Variants in HHAT observed in about 807,000 individuals in gnomAD.
HHAT encodes the protein protein-cysteine N-palmitoyltransferase HHAT.
A neutral mutation model predicts 70.8 loss-of-function variants in HHAT; 47 were observed. The observed-to-expected ratio is 0.66, with a 90% CI of 0.53 to 0.85. HHAT has a LOEUF of 0.85. Ranked by LOEUF, HHAT falls within the 40% of genes least tolerant of loss-of-function variation. HHAT has a pLI of 0.00. For missense variants in HHAT, 609 were observed against 604.8 expected (o/e 1.01, Z -0.07); for synonymous variants, 228 against 247.6 (o/e 0.92, Z 0.74).
At chr1:210,549,541 A>G (rs1386333278) in intron 9 of HHAT, among the ~76,000 whole-genome samples, 1 of 148,906 alleles carries the variant, frequency 6.7e-6, no homozygotes, top group Admixed American at 6.9e-5. Context: ...ATTTGATGGG[A>G]AGACATCCAT....
intron 10 of HHAT, among the ~76,000 whole-genome samples, chr1:210,621,886 G>A (rs1007685431): frequency 2.0e-5 from 3 of 152,308 alleles, no homozygotes; most frequent in Admixed American, 6.5e-5. Context: ...CTTGCGTCTG[G>A]CAGCAGTAAA....
chr1:210,601,967 G>C (rs1401252323), intron 10 of HHAT, among the ~76,000 whole-genome samples: 2 of 53,614 alleles, frequency 3.7e-5, no homozygotes, highest in African/African-American at 8.6e-5. Context: ...GTATGTGTGT[G>C]AGAGTGTGTG....
At chr1:210,637,112 C>A (rs1672006797) in intron 11 of HHAT, among the ~76,000 whole-genome samples, 1 of 152,162 alleles carries the variant, frequency 6.6e-6, no homozygotes, top group Non-Finnish European at 1.5e-5. Context: ...CATGTGATGA[C>A]CCCCTACTAA....
At chr1:210,669,687 A>T (rs1679690485) in intron 11 of HHAT, among the ~76,000 whole-genome samples, 1 of 152,242 alleles carries the variant, frequency 6.6e-6, no homozygotes, top group Non-Finnish European at 1.5e-5. Context: ...TTAGATCCAG[A>T]TATCAAAAGC....
intron 9 of HHAT, among the ~76,000 whole-genome samples, chr1:210,561,635 T>G (rs1469147892): frequency 6.6e-6 from 1 of 152,260 alleles, no homozygotes; most frequent in Admixed American, 6.5e-5. Flanking sequence ...TTTCTCTTTT[T>G]TCTGCATTTA....
At chr1:210,475,626 T>C (rs2094293748) in intron 8 of HHAT, among the ~76,000 whole-genome samples, 1 of 152,224 alleles carries the variant, frequency 6.6e-6, no homozygotes, top group Non-Finnish European at 1.5e-5. Context: ...TTTCTTCCCA[T>C]GGTTCACTGT....
chr1:210,671,681 G>A (rs2148985438), intron 11 of HHAT, among the ~76,000 whole-genome samples: 1 of 152,354 alleles, frequency 6.6e-6, no homozygotes, highest in South Asian at 2.1e-4. Flanking sequence ...GAAGCTGGAA[G>A]AGGTAAGGAA....
intron 2 of HHAT, among the ~76,000 whole-genome samples, chr1:210,356,523 C>A (rs2087642894): frequency 6.6e-6 from 1 of 152,102 alleles, no homozygotes; most frequent in South Asian, 2.1e-4. Context: ...TCACTACTCC[C>A]TGTTTCTTTG....
At chr1:210,533,819 C>A (rs1035955160) in intron 9 of HHAT, among the ~76,000 whole-genome samples, 2 of 152,116 alleles carry the variant, frequency 1.3e-5, no homozygotes, top group African/African-American at 4.8e-5. Context: ...ATAAAGAAAT[C>A]AAAGATTGAT....
intron 11 of HHAT, among the ~76,000 whole-genome samples, chr1:210,642,567 A>G (rs1050708560): frequency 9.9e-5 from 15 of 152,192 alleles, no homozygotes; most frequent in Non-Finnish European, 1.8e-4. Flanking sequence ...TTGGCATCTC[A>G]TCATGATTTT....
intron 7 of HHAT, among the ~76,000 whole-genome samples, chr1:210,428,549 C>T: frequency 6.8e-6 from 1 of 146,334 alleles, no homozygotes; most frequent in South Asian, 2.2e-4. Flanking sequence ...TAGCACCATC[C>T]TTTTTTATGA....
intron 3 of HHAT, among the ~76,000 whole-genome samples, chr1:210,367,998 T>G (rs1203300837): frequency 1.4e-5 from 2 of 147,966 alleles, no homozygotes; most frequent in Non-Finnish European, 3.0e-5. Context: ...TCTGTCGTTG[T>G]ATTTGCCAGT....
chr1:210,576,557 C>A (rs1395486999), intron 9 of HHAT, among the ~76,000 whole-genome samples: 1 of 151,388 alleles, frequency 6.6e-6, no homozygotes, highest in Non-Finnish European at 1.5e-5. Flanking sequence ...AGGAGATATA[C>A]CTAATGCTAA....
intron 9 of HHAT, among the ~76,000 whole-genome samples, chr1:210,523,036 T>G (rs2148611650): frequency 6.6e-6 from 1 of 152,290 alleles, no homozygotes; most frequent in South Asian, 2.1e-4. Context: ...CCGACCAGGT[T>G]GTCCGAGCCT....
chr1:210,450,632 A>G (rs1044402380), intron 7 of HHAT, among the ~76,000 whole-genome samples: 1 of 145,966 alleles, frequency 6.9e-6, no homozygotes, highest in Non-Finnish European at 1.5e-5. Context: ...TACATACCCC[A>G]AGGACTGTGA....
intron 10 of HHAT, among the ~76,000 whole-genome samples, chr1:210,622,015 A>G (rs915119455): frequency 2.1e-4 from 32 of 152,202 alleles, no homozygotes; most frequent in Admixed American, 2.6e-4. Context: ...AGAGAACAGG[A>G]GGAGTCAGAA....
At chr1:210,636,644 A>G (rs534406871) in intron 11 of HHAT, among the ~76,000 whole-genome samples, 30 of 152,182 alleles carry the variant, frequency 2.0e-4, no homozygotes, top group Non-Finnish European at 3.5e-4. Flanking sequence ...TTATCTGACA[A>G]TTTTAGAATT....
intron 1 of HHAT, among the ~76,000 whole-genome samples, chr1:210,345,383 C>G (rs1261678024): frequency 6.6e-6 from 1 of 152,160 alleles, no homozygotes; most frequent in Non-Finnish European, 1.5e-5. Context: ...GCTCAGTGAG[C>G]CCACCCTAAT....
chr1:210,418,122 C>T (rs2092779332), intron 6 of HHAT, 32 bp from the exon 7 acceptor site: 2 of 1,608,468 alleles, frequency 1.2e-6, no homozygotes, highest in South Asian at 2.2e-5. Context: ...AATCAAGGCA[C>T]CATCGAATGA....
Sources: allele counts gnomAD v4.1 joint callset (sites outside exome capture counted in the v4.1 genomes callset), GRCh38; gene constraint gnomAD v4.1.1; transcripts MANE v1.5; gene names NCBI Gene and HGNC (gene_info 2026-07-23, HGNC 2026-07-21).